The following PIP5K1A variants were observed in gnomAD, a reference collection of about 807,000 sequenced individuals.
PIP5K1A encodes phosphatidylinositol-4-phosphate 5-kinase type 1 alpha.
PIP5K1A carries 46 observed loss-of-function variants against 72.9 expected under a neutral mutation model. The ratio of observed to expected loss-of-function variants is 0.63; its 90% CI spans 0.50 to 0.81. The LOEUF is 0.81. Ranked by LOEUF, PIP5K1A falls within the 30% of genes least tolerant of loss-of-function variation. The probability of loss-of-function intolerance (pLI) is 0.00; values close to 1 mark genes in which losing one functional copy is unlikely to be tolerated. For synonymous variants in PIP5K1A, 228 were observed against 255.1 expected, an observed-to-expected ratio of 0.89 and a Z score of 1.01; for missense variants, 458 against 706.1, an observed-to-expected ratio of 0.65 and a Z score of 3.98.
intron 1 of PIP5K1A, among the ~76,000 whole-genome samples, chr1:151,217,972 C>T (rs1300867208): frequency 1.3e-5 from 2 of 152,160 alleles, no homozygotes; most frequent in East Asian, 3.9e-4. Flanking sequence ...GATGAGGTTT[C>T]ACCATGTTGG....
At chr1:151,240,875 T>C (rs905377323) in intron 12 of PIP5K1A, among the ~76,000 whole-genome samples, 2 of 152,118 alleles carry the variant, frequency 1.3e-5, no homozygotes, top group Non-Finnish European at 1.5e-5. Context: ...GAAAGAGTTA[T>C]CTTTCTTGGC....
intron 1 of PIP5K1A, among the ~76,000 whole-genome samples, chr1:151,204,267 C>T (rs1685628915): frequency 2.0e-5 from 3 of 152,178 alleles, no homozygotes; most frequent in African/African-American, 7.2e-5. Flanking sequence ...ACCTCTGCCT[C>T]TGGGGTTTGA....
intron 4 of PIP5K1A, among the ~76,000 whole-genome samples, chr1:151,227,828 G>A (rs1352874519): frequency 6.6e-6 from 1 of 152,206 alleles, no homozygotes; most frequent in Non-Finnish European, 1.5e-5. Context: ...GGAGGTTGCA[G>A]TGAGGTCAAA....
At chr1:151,233,918 C>A (rs1234928143) in intron 7 of PIP5K1A, 1 of 397,314 alleles carries the variant, frequency 2.5e-6, no homozygotes, top group African/African-American at 2.0e-5. Context: ...CAGAGAGTGT[C>A]GTCTTCTCTT....
At chr1:151,241,609 T>C (rs2101628423) in intron 12 of PIP5K1A, among the ~76,000 whole-genome samples, 1 of 152,252 alleles carries the variant, frequency 6.6e-6, no homozygotes, top group South Asian at 2.1e-4. Flanking sequence ...GAGACCAGCC[T>C]GACCAACATG....
chr1:151,231,683 GC>G lies in PIP5K1A; in HGVS notation c.252del (p.Leu85Ter). The G allele has an allele frequency of 1.2e-6, 2 of 1,613,908 alleles. No individual in the cohort carries two copies. Among genetic ancestry groups the G allele is most frequent in the Non-Finnish European group, 1.7e-6 (2 of 1,179,834 alleles). ...ETTYKKTTSSALKGAIQLGIT... is the reference protein window; with the variant it reads ...ETTYKKTTSSXLKGAIQLGIT... The stretch of plus-strand genomic sequence containing the variant: ...TCTTGTTTCTCAGACAACCTCATCA[GC>G]CTTGAAAGGTGCCATCCAGTTAGGC... On this transcript the variant is annotated frameshift_variant, in exon 5 of 16. Transcript: ENST00000368888. LOFTEE classifies it high-confidence loss of function.
intron 1 of PIP5K1A, among the ~76,000 whole-genome samples, chr1:151,222,332 C>G (rs1688503957): frequency 1.3e-5 from 2 of 152,152 alleles, no homozygotes; most frequent in African/African-American, 4.8e-5. Flanking sequence ...GTTTTGCAGT[C>G]ACAGATAGCT....
chr1:151,234,080 T>C (rs1235277955), intron 7 of PIP5K1A, 117 bp from the exon 8 acceptor site: 2 of 719,802 alleles, frequency 2.8e-6, no homozygotes, highest in African/African-American at 1.8e-5. Context: ...TATGGACACA[T>C]TGTGTCTAAA....
intron 1 of PIP5K1A, among the ~76,000 whole-genome samples, chr1:151,223,461 CG>C (rs1688680044): frequency 6.7e-6 from 1 of 149,354 alleles, no homozygotes; most frequent in Non-Finnish European, 1.5e-5. Flanking sequence ...CTGGCTAACA[CG>C]GTGAAACCCT....
At chr1:151,197,852 G>C (rs1020807577), upstream of PIP5K1A, 5 of 333,082 alleles carry the variant, frequency 1.5e-5, no homozygotes, top group Admixed American at 2.2e-4. Flanking sequence ...TTAAAAACGA[G>C]CAGTTACTAC....
chr1:151,218,425 AAT>A (rs1002175128), intron 1 of PIP5K1A, among the ~76,000 whole-genome samples: 1 of 152,178 alleles, frequency 6.6e-6, no homozygotes, highest in Admixed American at 6.6e-5. Context: ...TTGAGGGAAG[AAT>A]ATATGTCTTC....
chr1:151,219,851 C>CTTTTTTTTTTTT (rs71237867), intron 1 of PIP5K1A, among the ~76,000 whole-genome samples: 1 of 98,702 alleles, frequency 1.0e-5, no homozygotes, highest in Admixed American at 1.4e-4. Flanking sequence ...ATATTCTTTC[C>CTTTTTTTTTTTT]TTTTTTTTTT....
chr1:151,222,921 C>A (rs1322459885), intron 1 of PIP5K1A, among the ~76,000 whole-genome samples: 1 of 152,116 alleles, frequency 6.6e-6, no homozygotes, highest in Admixed American at 6.6e-5. Flanking sequence ...TTTGCTCTTG[C>A]GTCACACGTA....
intron 3 of PIP5K1A, among the ~76,000 whole-genome samples, chr1:151,226,637 C>T (rs193141315): frequency 2.1e-5 from 3 of 144,090 alleles, no homozygotes; most frequent in Non-Finnish European, 3.0e-5. Context: ...CGCTTGAACC[C>T]GGGAGGTGGA....
intron 14 of PIP5K1A, among the ~76,000 whole-genome samples, chr1:151,246,673 G>C (rs1260244260): frequency 2.0e-5 from 3 of 152,098 alleles, no homozygotes; most frequent in Non-Finnish European, 4.4e-5. Flanking sequence ...GGGTACCTAC[G>C]ACACCTGGAG....
intron 1 of PIP5K1A, 156 bp downstream of exon 1, chr1:151,199,237 G>A (rs587624260): frequency 1.9e-5 from 26 of 1,393,768 alleles, no homozygotes; most frequent in Non-Finnish European, 2.1e-5. Context: ...GAGCGGGCAG[G>A]AGTTTGAGGA....
intron 9 of PIP5K1A, among the ~76,000 whole-genome samples, chr1:151,237,516 T>C (rs1458786863): frequency 6.6e-6 from 1 of 152,100 alleles, no homozygotes; most frequent in Non-Finnish European, 1.5e-5. Flanking sequence ...AAAAATTACC[T>C]GAGTGTGATG....
intron 12 of PIP5K1A, among the ~76,000 whole-genome samples, chr1:151,240,763 A>G (rs1691567105): frequency 6.6e-6 from 1 of 152,186 alleles, no homozygotes; most frequent in Admixed American, 6.5e-5. Context: ...CCTTGTCTCT[A>G]CAACAAATTT....
chr1:151,242,485 G>T lies in PIP5K1A; in HGVS notation c.1558G>T (p.Glu520Ter), dbSNP rs1303368528. Reference protein sequence around the residue: ...PDVLPQTPPLEEISEGSPIPD... With the variant: ...PDVLPQTPPL ...TGTTTTACCTCAGACTCCACCTTTG[G>T]AGGAAATCAGTGAGGGCTCGCCTAT... is the stretch of plus-strand genomic sequence containing the variant. The change falls in exon 14 of 16, where the codon GAG becomes TAG. Residue 520 changes from glutamate (E) to a stop codon, truncating the protein, a stop_gained. Coordinates refer to ENST00000368888, the MANE Select transcript of PIP5K1A (RefSeq NM_001135638.2). LOFTEE classifies it high-confidence loss of function. 5.0e-6 allele frequency: 8 copies of T among 1,613,944 alleles called. No homozygotes were observed. The highest frequency in any genetic ancestry group is 6.8e-6 in the Non-Finnish European group (8 of 1,179,862).
Sources: allele counts gnomAD v4.1 joint callset (sites outside exome capture counted in the v4.1 genomes callset), GRCh38; gene constraint gnomAD v4.1.1; transcripts MANE v1.5; gene names NCBI Gene and HGNC (gene_info 2026-07-23, HGNC 2026-07-21).